The following AP3M2 variants were observed in gnomAD, a reference collection of about 807,000 sequenced individuals.
AP3M2 encodes the protein adaptor related protein complex 3 subunit mu 2.
In AP3M2, 28 loss-of-function variants were observed where a neutral mutation model predicts 41.6. The observed-to-expected ratio is 0.67, with a 90% CI of 0.50 to 0.92. The LOEUF is 0.92. Ranked by LOEUF, AP3M2 falls within the 40% of genes least tolerant of loss-of-function variation. The probability of loss-of-function intolerance (pLI) is 0.00; values close to 1 mark genes in which losing one functional copy is unlikely to be tolerated. For missense variants in AP3M2, 427 were observed against 521.4 expected (o/e 0.82, Z 1.76); for synonymous variants, 193 against 186.4 (o/e 1.04, Z -0.29).
Position 42,169,699 on chromosome 8 carries a change from G to T in AP3M2, c.*638G>T, listed in dbSNP as rs1804742768. 1 of 152,140 alleles carries T rather than the reference G, an allele frequency of 6.6e-6. No homozygotes were observed. The highest frequency in any genetic ancestry group is 1.5e-5 in the Non-Finnish European group (1 of 68,030). The allele number at this position is 152,140 out of a possible 1,614,324, so 9.4% of individuals were successfully genotyped here. ...AATGGACTGGAGACTTTTTAAATTT[G>T]AGTCCACTATTGACATGGAAACCCC... On this transcript the variant is annotated 3_prime_UTR_variant, in exon 9 of 9. Transcript: ENST00000396926.
Position 42,157,995 on chromosome 8 carries a change from T to G in AP3M2, c.328T>G (p.Tyr110Asp). The G allele has an allele frequency of 6.2e-7, 1 of 1,614,198 alleles. No homozygotes were observed. The highest frequency in any genetic ancestry group is 8.5e-7 in the Non-Finnish European group (1 of 1,180,028). ...PVIKDNVVVV[Y>D]EVLEEMLDNG... The stretch of plus-strand genomic sequence containing the variant: ...GATCAAAGACAATGTAGTTGTGGTT[T>G]ATGAGGTATTGGAAGAGATGCTTGA... Residue 110 changes from tyrosine to aspartate, a missense_variant, in exon 3 of 9, where the codon TAT (tyrosine) becomes GAT (aspartate). Coordinates refer to ENST00000396926, the MANE Select transcript of AP3M2 (RefSeq NM_006803.4).
chr8:42,160,761 G>A (rs376067701), intron 3 of AP3M2, among the ~76,000 whole-genome samples: 1 of 152,050 alleles, frequency 6.6e-6, no homozygotes, highest in South Asian at 2.1e-4. Flanking sequence ...CTGTCATTAT[G>A]GATTCTTGGT....
chr8:42,159,047 G>A (rs1804437438), intron 3 of AP3M2, among the ~76,000 whole-genome samples: 1 of 152,058 alleles, frequency 6.6e-6, no homozygotes. Flanking sequence ...CACCCACCTT[G>A]GCCTCCCAAA....
intron 5 of AP3M2, 42 bp from the exon 6 acceptor site, chr8:42,165,384 GT>G (rs780822823): frequency 6.2e-7 from 1 of 1,607,776 alleles, no homozygotes; most frequent in South Asian, 1.1e-5. Context: ...CACTGCGGGT[GT>G]TTAATGCCCA....
chr8:42,165,025 GAA>G, intron 4 of AP3M2, 44 bp from the exon 5 acceptor site: 1 of 1,546,028 alleles, frequency 6.5e-7, no homozygotes, highest in Non-Finnish European at 8.9e-7. Context: ...GAAGGACAGA[GAA>G]GTATTCAGTA....
In AP3M2 at chr8:42,162,279, A is replaced by G; in HGVS notation, c.446-2A>G. ...AAAATACAGTAATATTAATTGCCTC[A>G]GGAAGCACGAATGTGGGTGACCAGC... On this transcript the variant is annotated splice_acceptor_variant, in intron 3 of 8. Transcript: ENST00000396926. LOFTEE classifies it high-confidence loss of function. The G allele has an allele frequency of 6.2e-7, 1 of 1,609,522 alleles. No homozygotes were observed. The highest frequency in any genetic ancestry group is 1.7e-5 in the Admixed American group (1 of 58,968).
chr8:42,165,488 C>T lies in AP3M2; in HGVS notation c.731C>T (p.Ser244Phe). 6.2e-7 allele frequency: 1 copy of T among 1,614,210 alleles called. No individual in the cohort carries two copies. The highest frequency in any genetic ancestry group is 8.5e-7 in the Non-Finnish European group (1 of 1,180,032). The change falls in exon 6 of 9, where the codon TCT becomes TTT. Residue 244 changes from serine (S) to phenylalanine (F), a missense_variant. By Grantham distance (155) the Ser-to-Phe change is radical. Transcript: ENST00000396926. Reference protein sequence around the residue: ...HPCVRFKRWESERILSFIPPD... With the variant: ...HPCVRFKRWEFERILSFIPPD... ...TGTGTTCGTTTCAAACGCTGGGAAT[C>T]TGAGCGCATCCTCTCCTTCATCCCT... is the stretch of plus-strand genomic sequence containing the variant.
At position 42,169,838 on chromosome 8, in the gene AP3M2, C is replaced by A. The variant is rs1804747316; in HGVS notation, c.*777C>A. On this transcript the variant is annotated 3_prime_UTR_variant, in exon 9 of 9. Coordinates refer to ENST00000396926, the MANE Select transcript of AP3M2 (RefSeq NM_006803.4). ...TTATCTTCAGTGAGAAGGTGACCCG[C>A]CTTCTTCCCATGGTGGCTGCCTAAA... The A allele has an allele frequency of 6.6e-6, 1 of 152,256 alleles. No individual in the cohort carries two copies. The highest frequency in any genetic ancestry group is 2.1e-4 in the South Asian group (1 of 4,834). 9.4% of individuals were successfully genotyped at this position (152,256 alleles called of 1,614,324 possible).
intron 2 of AP3M2, 115 bp downstream of exon 2, chr8:42,155,075 A>G: frequency 1.2e-6 from 1 of 851,282 alleles, no homozygotes; most frequent in South Asian, 1.7e-5. Context: ...AAACTCTGGT[A>G]TTACTCACTT....
Position 42,154,970 on chromosome 8 carries a change from T to G in AP3M2, c.273+10T>G. The G allele has an allele frequency of 6.2e-7, 1 of 1,608,480 alleles. No individual in the cohort carries two copies. Among genetic ancestry groups the G allele is most frequent in the Non-Finnish European group, 8.5e-7 (1 of 1,175,132 alleles). ...GGTGGACACATTTCAGGTTCGTGAA[T>G]GTGGGAAAGTTCATATATGTAAACC... On this transcript the variant is annotated intron_variant, in intron 2 of 8. Coordinates refer to ENST00000396926, the MANE Select transcript of AP3M2 (RefSeq NM_006803.4).
At position 42,170,267 on chromosome 8, in the gene AP3M2, A is replaced by G. The variant is rs1481979756; in HGVS notation, c.*1206A>G. ...CTTTTCTTTTGTACTCCTATCATGT[A>G]TTCATTAATATCTACCAGTCCCTTT... On this transcript the variant is annotated 3_prime_UTR_variant, in exon 9 of 9. Transcript: ENST00000396926. 6.6e-6 allele frequency: 1 copy of G among 152,200 alleles called. No homozygotes were observed. The highest frequency in any genetic ancestry group is 1.5e-5 in the Non-Finnish European group (1 of 68,032). 9.4% of individuals were successfully genotyped at this position (152,200 alleles called of 1,614,324 possible). A position where few individuals can be genotyped will look rare whatever the true frequency, so the allele number is the denominator to read the frequency against.
intron 4 of AP3M2, 50 bp downstream of exon 4, chr8:42,162,468 C>CT: frequency 6.4e-7 from 1 of 1,552,770 alleles, no homozygotes; most frequent in Non-Finnish European, 8.7e-7. Context: ...AAAGGGACCT[C>CT]TTTCATATAA....
chr8:42,170,302 GAC>G lies in AP3M2; in HGVS notation c.*1243_*1244del, dbSNP rs1423331075. 1.3e-5 allele frequency: 2 copies of G among 152,092 alleles called. No individual in the cohort carries two copies. The highest frequency in any genetic ancestry group is 2.9e-5 in the Non-Finnish European group (2 of 68,004). The allele number at this position is 152,092 out of a possible 1,614,324, so 9.4% of individuals were successfully genotyped here. On this transcript the variant is annotated 3_prime_UTR_variant, in exon 9 of 9. Transcript: ENST00000396926. ...ATCTACCAGTCCCTTTTCATTCTAA[GAC>G]AAAACATTTCTCCTAAATCTCTGAA... is the stretch of plus-strand genomic sequence containing the variant.
chr8:42,167,149 G>T lies in AP3M2; in HGVS notation c.804-15G>T. 5 of 1,609,556 alleles carry T rather than the reference G, an allele frequency of 3.1e-6. No individual in the cohort carries two copies. Among genetic ancestry groups the T allele is most frequent in the Non-Finnish European group, 4.3e-6 (5 of 1,175,888 alleles). On this transcript the variant is annotated splice_polypyrimidine_tract_variant and intron_variant, in intron 6 of 8. Coordinates refer to ENST00000396926, the MANE Select transcript of AP3M2 (RefSeq NM_006803.4). Reference sequence around the variant, plus strand: ...CAGTGCACGAATGAAATGACTCTTTGTCTCTCATTTCCAGTCTGGTTGCAA... The same window carrying T: ...CAGTGCACGAATGAAATGACTCTTTTTCTCTCATTTCCAGTCTGGTTGCAA...
intron 6 of AP3M2, 165 bp downstream of exon 6, chr8:42,165,725 A>G (rs958913043): frequency 4.7e-5 from 31 of 658,812 alleles, no homozygotes; most frequent in African/African-American, 4.0e-4. Flanking sequence ...ACCCCTATGT[A>G]TCTCTTTTCT....
intron 2 of AP3M2, chr8:42,155,932 A>G (rs1476943586): frequency 2.4e-5 from 11 of 454,712 alleles, no homozygotes; most frequent in Non-Finnish European, 4.4e-5. Flanking sequence ...TTCCCTTCCC[A>G]AGAGAATTAA....
intron 3 of AP3M2, 178 bp from the exon 4 acceptor site, chr8:42,162,103 G>C (rs1465060288): frequency 8.3e-6 from 4 of 482,522 alleles, no homozygotes; most frequent in African/African-American, 8.0e-5. Context: ...ATGGCAACAA[G>C]GGGTTTTAAA....
intron 2 of AP3M2, among the ~76,000 whole-genome samples, chr8:42,157,649 A>G (rs1049770004): frequency 5.9e-5 from 9 of 152,168 alleles, no homozygotes; most frequent in Non-Finnish European, 1.2e-4. Context: ...TCAAGATTCA[A>G]TTTTGTATTC....
In AP3M2 at chr8:42,154,762, C is replaced by T. The variant is rs942523181; in HGVS notation, c.75C>T (p.Ser25=). Residue 25 remains serine (S), a synonymous_variant, in exon 2 of 9, where the codon AGC becomes AGT. Coordinates refer to ENST00000396926, the MANE Select transcript of AP3M2 (RefSeq NM_006803.4). ...FLEKHWKSVV[S]RSVCDYFFEA... ...AGAAACATTGGAAAAGTGTGGTCAG[C>T]CGTTCTGTTTGTGATTACTTTTTTG... 6.2e-7 allele frequency: 1 copy of T among 1,614,140 alleles called. No homozygotes were observed. Among genetic ancestry groups the T allele is most frequent in the Non-Finnish European group, 8.5e-7 (1 of 1,180,034 alleles).
Sources: allele counts gnomAD v4.1 joint callset (sites outside exome capture counted in the v4.1 genomes callset), GRCh38; gene constraint gnomAD v4.1.1; transcripts MANE v1.5; gene names NCBI Gene and HGNC (gene_info 2026-07-23, HGNC 2026-07-21).